CYP27C1: variants seen among roughly 807,000 people sequenced by gnomAD.
CYP27C1 encodes cytochrome P450 27C1.
In CYP27C1, 29 loss-of-function variants were observed where a neutral mutation model predicts 40.6. The ratio of observed to expected loss-of-function variants is 0.71; its 90% CI spans 0.53 to 0.97. CYP27C1 has a LOEUF of 0.97. Ranked by LOEUF, CYP27C1 falls within the 50% of genes least tolerant of loss-of-function variation. The pLI is 0.00. For synonymous variants in CYP27C1, 198 were observed against 186.8 expected (o/e 1.06, Z -0.49); for missense variants, 390 against 485.8 (o/e 0.80, Z 1.85).
At position 127,201,428 on chromosome 2, in the gene CYP27C1, G is replaced by A; in HGVS notation, c.674-97C>T. 8.3e-7 allele frequency: 1 copy of A among 1,201,844 alleles called. No individual in the cohort carries two copies. Among genetic ancestry groups the A allele is most frequent in the Non-Finnish European group, 1.2e-6 (1 of 852,570 alleles). The allele number at this position is 1,201,844 out of a possible 1,614,324, so 74.4% of individuals were successfully genotyped here. On this transcript the variant is annotated intron_variant, in intron 3 of 8. Transcript: ENST00000664447. The surrounding 1 kb of genome is among the most constrained non-coding windows in gnomAD (Gnocchi z 6.0). Reference sequence around the variant, plus strand: ...AAATGCAACTTTCAAACGTGGTCCAGGTGCCTTTCATGAATGAGGCATCGT... The same window carrying A: ...AAATGCAACTTTCAAACGTGGTCCAAGTGCCTTTCATGAATGAGGCATCGT...
Position 127,203,494 on chromosome 2 carries a change from G to C in CYP27C1, c.551C>G (p.Ser184Cys). The C allele has an allele frequency of 6.2e-7, 1 of 1,613,970 alleles. No homozygotes were observed. Among genetic ancestry groups the C allele is most frequent in the Non-Finnish European group, 8.5e-7 (1 of 1,179,994 alleles). The stretch of plus-strand genomic sequence containing the variant: ...AGCAATAACTTGGTTGACTTCTCCA[G>C]AATAAATGGCCACATCTTTCGGTTT... Reference protein sequence around the residue: ...ILKPKDVAIYSGEVNQVIADL... With the variant: ...ILKPKDVAIYCGEVNQVIADL... Residue 184 changes from serine to cysteine, a missense_variant, in exon 3 of 9, where the codon TCT becomes TGT. Coordinates refer to ENST00000664447, the MANE Select transcript of CYP27C1 (RefSeq NM_001367502.1).
rs577528238 is a variant in CYP27C1 at position 127,194,618 on chromosome 2, A to T, written c.1214+717T>A. Among the ~76,000 whole-genome samples, 11 of 152,288 alleles carry T rather than the reference A, an allele frequency of 7.2e-5. No homozygotes were observed. The South Asian group carries it at 2.3e-3, about 32-fold the overall frequency. On this transcript the variant is annotated intron_variant, in intron 6 of 8. Coordinates refer to ENST00000664447, the MANE Select transcript of CYP27C1 (RefSeq NM_001367502.1). ...ATTGAGCCTCACTGGGTGGCGTCTA[A>T]ACCCAGATGAGAACATTCACTCAAG...
intron 3 of CYP27C1, among the ~76,000 whole-genome samples, chr2:127,202,569 G>A (rs1683059518): frequency 6.6e-6 from 1 of 152,170 alleles, no homozygotes; most frequent in South Asian, 2.1e-4. Flanking sequence ...ATACATGAGA[G>A]ACTAGTGACC....
intron 1 of CYP27C1, among the ~76,000 whole-genome samples, chr2:127,214,310 C>CT (rs1442484101): frequency 1.3e-5 from 2 of 152,206 alleles, no homozygotes; most frequent in Non-Finnish European, 1.5e-5. Flanking sequence ...CCAGCAATCC[C>CT]ATTCCTGGGT....
chr2:127,191,693 G>C (rs1175656763), intron 8 of CYP27C1, among the ~76,000 whole-genome samples: 46 of 152,328 alleles, frequency 3.0e-4, no homozygotes, highest in Non-Finnish European at 1.3e-4. Flanking sequence ...GACGTGACAG[G>C]CTCAGCTCAG....
In CYP27C1 at chr2:127,185,993, A is replaced by T. The variant is rs531117249; in HGVS notation, c.*1278T>A. 4 of 152,372 alleles carry T rather than the reference A, an allele frequency of 2.6e-5. No homozygotes were observed. The highest frequency in any genetic ancestry group is 5.9e-5 in the Non-Finnish European group (4 of 68,044). 9.4% of individuals were successfully genotyped at this position (152,372 alleles called of 1,614,324 possible). ...ACTGGGTGAGGGTTCTTGTGTGGATATTTAAAACAACACCATCAAGATAAA... is the reference window on the plus strand; with the variant it reads ...ACTGGGTGAGGGTTCTTGTGTGGATTTTTAAAACAACACCATCAAGATAAA... On this transcript the variant is annotated 3_prime_UTR_variant, in exon 9 of 9. Coordinates refer to ENST00000664447, the MANE Select transcript of CYP27C1 (RefSeq NM_001367502.1). The surrounding 1 kb of genome is among the most constrained non-coding windows in gnomAD (Gnocchi z 4.9).
intron 1 of CYP27C1, among the ~76,000 whole-genome samples, chr2:127,210,945 TAGAC>T (rs1430196297): frequency 1.3e-5 from 2 of 152,140 alleles, no homozygotes; most frequent in South Asian, 2.1e-4. Context: ...CTGTCAATAT[TAGAC>T]AGATCAGCGA....
At position 127,199,420 on chromosome 2, in the gene CYP27C1, T is replaced by C. The variant is rs1237274087; in HGVS notation, c.1003A>G (p.Ile335Val). The C allele has an allele frequency of 1.2e-6, 2 of 1,614,016 alleles. No homozygotes were observed. The highest frequency in any genetic ancestry group is 2.7e-5 in the African/African-American group (2 of 74,904). ...FLSQALTLQE[I>V]YANVTEMLLA... ...AGCATCTCAGTCACGTTGGCGTAGA[T>C]CTCCTGCAGCGTCAGAGCCTGGCTA... The change falls in exon 5 of 9, where the codon ATC becomes GTC. Residue 335 changes from isoleucine (I) to valine (V), a missense_variant. Coordinates refer to ENST00000664447, the MANE Select transcript of CYP27C1 (RefSeq NM_001367502.1).
At position 127,206,054 on chromosome 2, in the gene CYP27C1, A is replaced by C. The variant is rs1683219962; in HGVS notation, c.319T>G (p.Ser107Ala). The change falls in exon 2 of 9, where the codon TCT becomes GCT. Residue 107 changes from serine (S) to alanine (A), a missense_variant. By Grantham distance (99) the Ser-to-Ala change is moderately conservative. Transcript: ENST00000664447. ...ACTACAAACTGAGGACCAAAGTGAG[A>C]CTTGAAGATTTTTCCATATTCCCGT... ...HTREYGKIFK[S>A]HFGPQFVVSI... Among the ~76,000 whole-genome samples the C allele has an allele frequency of 1.3e-5, 2 of 152,244 alleles. No homozygotes were observed. The highest frequency in any genetic ancestry group is 2.4e-5 in the African/African-American group (1 of 41,474).
Position 127,200,177 on chromosome 2 carries a change from G to A in CYP27C1, c.884-638C>T, listed in dbSNP as rs915143004. 2.1e-4 allele frequency among the ~76,000 whole-genome samples: 32 copies of A among 152,224 alleles called. No individual in the cohort carries two copies. The highest frequency in any genetic ancestry group is 3.4e-4 in the Non-Finnish European group (23 of 68,010). ...GTATTTTTAGTAGAGACGCAGTTTC[G>A]CCATGTTGGCCAGGCTGGTCTTTAA... On this transcript the variant is annotated intron_variant, in intron 4 of 8. Transcript: ENST00000664447. The surrounding 1 kb of genome is among the most constrained non-coding windows in gnomAD (Gnocchi z 4.2).
At chr2:127,188,387 G>A (rs1470484989) in intron 8 of CYP27C1, among the ~76,000 whole-genome samples, 1 of 152,162 alleles carries the variant, frequency 6.6e-6, no homozygotes, top group Non-Finnish European at 1.5e-5. Context: ...CTACAGGCAT[G>A]CATCACATCT....
chr2:127,215,329 A>T (rs1683411125), intron 1 of CYP27C1, among the ~76,000 whole-genome samples: 1 of 152,216 alleles, frequency 6.6e-6, no homozygotes, highest in African/African-American at 2.4e-5. Flanking sequence ...GCCACAAGCA[A>T]AGAATCAATT....
chr2:127,198,186 TACACAC>T (rs3033450), intron 5 of CYP27C1, among the ~76,000 whole-genome samples: 36 of 148,172 alleles, frequency 2.4e-4, no homozygotes, highest in Non-Finnish European at 4.5e-4. Flanking sequence ...AATTTGTTGA[TACACAC>T]ACACACACAC....
At chr2:127,207,408 C>G (rs527848363) in intron 1 of CYP27C1, among the ~76,000 whole-genome samples, 1 of 152,172 alleles carries the variant, frequency 6.6e-6, no homozygotes, top group South Asian at 2.1e-4. Flanking sequence ...GCAGTAGAAT[C>G]GCTTGAACCC....
chr2:127,205,637 G>A (rs971650605), intron 2 of CYP27C1: 2 of 978,946 alleles, frequency 2.0e-6, no homozygotes, highest in African/African-American at 1.8e-5. Context: ...ACAAAGCCCT[G>A]CTTCCGAAGC....
chr2:127,191,952 G>A (rs1056218788), intron 8 of CYP27C1, among the ~76,000 whole-genome samples: 4 of 152,158 alleles, frequency 2.6e-5, no homozygotes, highest in East Asian at 3.9e-4. Context: ...CCCACACCTC[G>A]TTCTGTGCCT....
In CYP27C1 at chr2:127,211,361, G is replaced by GTTTT. The variant is rs1156982574; in HGVS notation, c.283-5275_283-5272dup. Among the ~76,000 whole-genome samples, 213 of 103,624 alleles carry GTTTT rather than the reference G, an allele frequency of 2.1e-3. 12 individuals carry two copies. The highest frequency in any genetic ancestry group is 7.4e-3 in the African/African-American group (187 of 25,198). The allele number at this position is 103,624 out of a possible 152,430, so 68.0% of individuals were successfully genotyped here. ...ATCTCTGGGATACAGCTAAAGCAGT[G>GTTTT]TTTTTTTGTTTTTTTTTTTTTTTTT... On this transcript the variant is annotated intron_variant, in intron 1 of 8. Transcript: ENST00000664447.
In CYP27C1 at chr2:127,193,169, G is replaced by A; in HGVS notation, c.1422C>T (p.Ile474=). The A allele has an allele frequency of 6.2e-7, 1 of 1,614,176 alleles. No homozygotes were observed. The highest frequency in any genetic ancestry group is 8.5e-7 in the Non-Finnish European group (1 of 1,180,022). Residue 474 remains isoleucine, a synonymous_variant, in exon 8 of 9, where the codon ATC becomes ATT. Transcript: ENST00000664447. ...DLDRVDNFGS[I]PFGHGVRSCI... is the part of the protein sequence containing the mutation. The stretch of plus-strand genomic sequence containing the variant: ...AGCTGCGAACCCCATGACCAAAGGG[G>A]ATGGATCCAAAATTGTCAACTCTAT...
rs1682879255 is a variant in CYP27C1, at chr2:127,195,408, C to T, written c.1141G>A (p.Glu381Lys). The T allele has an allele frequency of 1.2e-6, 2 of 1,613,982 alleles. No homozygotes were observed. The highest frequency in any genetic ancestry group is 1.7e-6 in the Non-Finnish European group (2 of 1,180,040). ...TCAGCTGCAGTTGGAACATGCCTTT[C>T]CCCTAAATTCTTCACAATCTCCCGG... is the stretch of plus-strand genomic sequence containing the variant. ...VYREIVKNLG[E>K]RHVPTAADVP... Residue 381 changes from glutamate to lysine, a missense_variant, in exon 6 of 9, where the codon GAA becomes AAA. Coordinates refer to ENST00000664447, the MANE Select transcript of CYP27C1 (RefSeq NM_001367502.1). The surrounding 1 kb of genome is among the most constrained non-coding windows in gnomAD (Gnocchi z 6.2).
Sources: gnomAD v4.1 joint callset for allele counts (sites outside exome capture counted in the v4.1 genomes callset) on GRCh38, gnomAD v4.1.1 for gene constraint, Gnocchi (gnomAD v3.1) non-coding constraint, MANE v1.5 for transcripts, NCBI Gene and HGNC (gene_info 2026-07-23, HGNC 2026-07-21) for gene names.